The following IQCJ variants were observed in gnomAD, a reference collection of about 807,000 sequenced individuals.
The protein encoded by IQCJ is IQ motif containing J.
In IQCJ, 9 loss-of-function variants were observed where a neutral mutation model predicts 11.0. That is an observed-to-expected ratio of 0.82 (90% CI 0.49 to 1.43). IQCJ has a LOEUF of 1.43. Among genes scored for constraint, IQCJ ranks in the 40% most tolerant of loss-of-function variants. The pLI is 0.00. For missense variants in IQCJ, 146 were observed against 133.2 expected (o/e 1.10, Z -0.47); for synonymous variants, 55 against 51.3 (o/e 1.07, Z -0.31).
chr3:159,259,576 T>C (rs1238499762), intron 3 of IQCJ, among the ~76,000 whole-genome samples: 1 of 152,158 alleles, frequency 6.6e-6, no homozygotes, highest in African/African-American at 2.4e-5. Context: ...CCTCTTACAG[T>C]AAAATAACAT....
intron 1 of IQCJ, among the ~76,000 whole-genome samples, chr3:159,161,919 T>A (rs1387003539): frequency 1.3e-5 from 2 of 152,202 alleles, no homozygotes; most frequent in Non-Finnish European, 2.9e-5. Flanking sequence ...TACCATGCTG[T>A]TTTGGTTACT....
At chr3:159,069,688 G>A in intron 1 of IQCJ, 1 of 592,506 alleles carries the variant, frequency 1.7e-6, no homozygotes, top group Non-Finnish European at 3.0e-6. Context: ...TTCACTAAAG[G>A]AATCTCATTG....
At chr3:159,093,234 G>A (rs1250058794) in intron 1 of IQCJ, among the ~76,000 whole-genome samples, 7 of 151,682 alleles carry the variant, frequency 4.6e-5, no homozygotes, top group South Asian at 2.1e-4. Flanking sequence ...TTAGACTCTC[G>A]TGACAATTTG....
chr3:159,259,030 T>G lies in IQCJ; in HGVS notation c.156-3518T>G, dbSNP rs77895615. Among the ~76,000 whole-genome samples the G allele has an allele frequency of 6.3e-3, 955 of 152,258 alleles. 6 individuals carry two copies. Among genetic ancestry groups the G allele is most frequent in the African/African-American group, 0.022 (909 of 41,540 alleles). Reference sequence around the variant, plus strand: ...TCAGGACTAATTAAAATACTAGGACTCCCTCAAGCCTTCTCTAAGCACCCT... The same window carrying G: ...TCAGGACTAATTAAAATACTAGGACGCCCTCAAGCCTTCTCTAAGCACCCT... On this transcript the variant is annotated intron_variant, in intron 3 of 3. Coordinates refer to ENST00000397832, the MANE Select transcript of IQCJ (RefSeq NM_001042706.3).
At chr3:159,108,342 T>C (rs986267691) in intron 1 of IQCJ, among the ~76,000 whole-genome samples, 1 of 152,180 alleles carries the variant, frequency 6.6e-6, no homozygotes, top group Non-Finnish European at 1.5e-5. Flanking sequence ...AATATTTTCT[T>C]ATCTCAGCAA....
intron 1 of IQCJ, among the ~76,000 whole-genome samples, chr3:159,230,813 G>A (rs538487262): frequency 6.6e-6 from 1 of 152,208 alleles, no homozygotes; most frequent in African/African-American, 2.4e-5. Flanking sequence ...GTCTTATCCA[G>A]GGTAGTGTTT....
intron 1 of IQCJ, among the ~76,000 whole-genome samples, chr3:159,120,517 C>A (rs1287698290): frequency 6.6e-6 from 1 of 152,160 alleles, no homozygotes; most frequent in African/African-American, 2.4e-5. Flanking sequence ...TAGAACTCAG[C>A]CATTATAGCC....
At chr3:159,081,185 C>T (rs1244890503) in intron 1 of IQCJ, among the ~76,000 whole-genome samples, 1 of 152,062 alleles carries the variant, frequency 6.6e-6, no homozygotes, top group Non-Finnish European at 1.5e-5. Context: ...ACTTCAGAAG[C>T]TCTGAGTGCA....
chr3:159,183,230 T>A lies in IQCJ; in HGVS notation c.10-62613T>A, dbSNP rs149082714. 7.6e-3 allele frequency among the ~76,000 whole-genome samples: 1,164 copies of A among 152,332 alleles called. 17 individuals carry two copies. The highest frequency in any genetic ancestry group is 0.024 in the Middle Eastern group (7 of 294). ...TTTCAGGGAAATAATTATTTTTCTA[T>A]TGCATATGTCTCATTCACATATCTG... On this transcript the variant is annotated intron_variant, in intron 1 of 3. Transcript: ENST00000397832.
At chr3:159,091,486 T>C (rs1262449545) in intron 1 of IQCJ, among the ~76,000 whole-genome samples, 1 of 151,674 alleles carries the variant, frequency 6.6e-6, no homozygotes, top group African/African-American at 2.4e-5. Flanking sequence ...GGCTCCACCT[T>C]CATGACCCAA....
At chr3:159,227,304 T>G (rs1281122960) in intron 1 of IQCJ, among the ~76,000 whole-genome samples, 1 of 152,208 alleles carries the variant, frequency 6.6e-6, no homozygotes, top group African/African-American at 2.4e-5. Context: ...TTAGCCACCA[T>G]GAAACTGTAG....
intron 1 of IQCJ, among the ~76,000 whole-genome samples, chr3:159,233,730 A>T (rs1726407365): frequency 6.6e-6 from 1 of 152,196 alleles, no homozygotes; most frequent in South Asian, 2.1e-4. Flanking sequence ...GAATGACAAG[A>T]CAAGTAAGAC....
At chr3:159,189,127 G>A (rs1456145258) in intron 1 of IQCJ, among the ~76,000 whole-genome samples, 1 of 152,136 alleles carries the variant, frequency 6.6e-6, no homozygotes, top group Non-Finnish European at 1.5e-5. Context: ...TAGAGAGTAG[G>A]ATGCAGAAGA....
rs149543004 is a variant in IQCJ, at chr3:159,263,588, T to C, written c.*857T>C. ...GAGAAATGAAGTAATTACACAAGTA[T>C]ATTACTTCCAAAAATTTTTCTTTTA... On this transcript the variant is annotated 3_prime_UTR_variant, in exon 4 of 4. Transcript: ENST00000397832. The C allele has an allele frequency of 3.8e-4, 376 of 984,508 alleles. No homozygotes were observed. In the African/African-American group the frequency reaches 6.0e-3, roughly 16 times the overall value. The allele number at this position is 984,508 out of a possible 1,614,324, so 61.0% of individuals were successfully genotyped here.
chr3:159,095,456 T>A (rs1261055796), intron 1 of IQCJ, among the ~76,000 whole-genome samples: 4 of 143,408 alleles, frequency 2.8e-5, no homozygotes, highest in African/African-American at 1.1e-4. Flanking sequence ...GCTGGTGCGC[T>A]GCACCCACTA....
At chr3:159,158,107 G>A (rs1189429825) in intron 1 of IQCJ, among the ~76,000 whole-genome samples, 1 of 152,146 alleles carries the variant, frequency 6.6e-6, no homozygotes, top group Non-Finnish European at 1.5e-5. Flanking sequence ...AATATAAATT[G>A]CCTTATATTT....
At chr3:159,107,396 G>A (rs557843409) in intron 1 of IQCJ, among the ~76,000 whole-genome samples, 2 of 152,094 alleles carry the variant, frequency 1.3e-5, no homozygotes, top group Non-Finnish European at 2.9e-5. Context: ...CTTAATCTTG[G>A]ACTTTCCCTT....
intron 1 of IQCJ, among the ~76,000 whole-genome samples, chr3:159,090,365 TGC>T (rs1430715972): frequency 1.3e-5 from 2 of 151,852 alleles, no homozygotes; most frequent in East Asian, 1.9e-4. Flanking sequence ...ACCCGTCTTC[TGC>T]GTCGCTCACG....
chr3:159,177,682 AT>A (rs1481970328), intron 1 of IQCJ, among the ~76,000 whole-genome samples: 2 of 152,174 alleles, frequency 1.3e-5, no homozygotes, highest in Non-Finnish European at 2.9e-5. Flanking sequence ...TGGTTGCATG[AT>A]TGTAGCATTC....
Sources: allele counts gnomAD v4.1 joint callset (sites outside exome capture counted in the v4.1 genomes callset), GRCh38; gene constraint gnomAD v4.1.1; transcripts MANE v1.5; gene names NCBI Gene and HGNC (gene_info 2026-07-23, HGNC 2026-07-21).